The following GABRA3 variants were observed in gnomAD, a reference collection of about 807,000 sequenced individuals.
GABRA3 encodes the protein gamma-aminobutyric acid receptor subunit alpha-3.
In GABRA3, 10 loss-of-function variants were observed where a neutral mutation model predicts 30.1. That is an observed-to-expected ratio of 0.33 (90% CI 0.20 to 0.56). The LOEUF is 0.56. Among genes scored for constraint, GABRA3 ranks in the 20% least tolerant of loss-of-function variants. The pLI is 0.89. For synonymous variants in GABRA3, 151 were observed against 146.8 expected (o/e 1.03, Z -0.21); for missense variants, 233 against 392.0 (o/e 0.59, Z 3.42).
chrX:152,448,879 G>A (rs975943614), intron 1 of GABRA3, among the ~76,000 whole-genome samples: 1 of 111,056 alleles, frequency 9.0e-6, no homozygotes, highest in African/African-American at 3.3e-5. Flanking sequence ...ATATGAAAGC[G>A]ACCTTCCTTG....
At position 152,280,590 on chromosome X, in the gene GABRA3, G is replaced by A. The variant is rs747550351; in HGVS notation, c.330+4078C>T. 1.3e-4 allele frequency among the ~76,000 whole-genome samples: 14 copies of A among 111,559 alleles called. 1 individual carries two copies. In the South Asian group the frequency reaches 4.5e-3, roughly 36 times the overall value. On this transcript the variant is annotated intron_variant, in intron 4 of 9. Transcript: ENST00000370314. ...AAGCAGTTGTCATATCAGAATGTACGTTATCTGAATCTGTTGTCTAGAATT... is the reference window on the plus strand; with the variant it reads ...AAGCAGTTGTCATATCAGAATGTACATTATCTGAATCTGTTGTCTAGAATT...
intron 1 of GABRA3, among the ~76,000 whole-genome samples, chrX:152,365,997 T>C (rs1420691509): frequency 8.9e-6 from 1 of 111,853 alleles, no homozygotes; most frequent in Non-Finnish European, 1.9e-5. Context: ...CAACCTAATA[T>C]AAGAGCTGTG....
At chrX:152,225,430 A>ACG (rs751924258) in intron 5 of GABRA3, among the ~76,000 whole-genome samples, 498 of 20,542 alleles carry the variant, frequency 0.024, 5 homozygotes, top group African/African-American at 0.055. Flanking sequence ...ACACACACAC[A>ACG]CGCACACACA....
chrX:152,173,289 A>AGAT (rs1194588743), intron 9 of GABRA3, among the ~76,000 whole-genome samples: 1 of 110,591 alleles, frequency 9.0e-6, no homozygotes, highest in Non-Finnish European at 1.9e-5. Context: ...TCTCAGGTCC[A>AGAT]GATCACAGCT....
At chrX:152,363,888 C>A (rs1287807605) in intron 2 of GABRA3, among the ~76,000 whole-genome samples, 1 of 111,701 alleles carries the variant, frequency 9.0e-6, no homozygotes, top group Admixed American at 9.6e-5. Flanking sequence ...AGCAACAGAA[C>A]CAACATTGGC....
At chrX:152,320,732 T>C (rs1386522777) in intron 3 of GABRA3, among the ~76,000 whole-genome samples, 1 of 111,020 alleles carries the variant, frequency 9.0e-6, no homozygotes, top group Admixed American at 9.6e-5. Context: ...ATAAAAAATC[T>C]AAAAAACAAA....
At chrX:152,226,713 G>A (rs1937963028) in intron 5 of GABRA3, among the ~76,000 whole-genome samples, 1 of 111,491 alleles carries the variant, frequency 9.0e-6, no homozygotes, top group Admixed American at 9.5e-5. Flanking sequence ...CCATCAACAA[G>A]TGGGCGAAGG....
intron 5 of GABRA3, among the ~76,000 whole-genome samples, chrX:152,254,224 T>A (rs767868851): frequency 1.4e-4 from 16 of 111,101 alleles, no homozygotes; most frequent in Non-Finnish European, 2.6e-4. Flanking sequence ...TCCCTCTTGT[T>A]CATCTCCTCC....
At chrX:152,266,723 C>A (rs745807979) in intron 4 of GABRA3, among the ~76,000 whole-genome samples, 1 of 110,731 alleles carries the variant, frequency 9.0e-6, no homozygotes, top group South Asian at 3.8e-4. Context: ...CTTCCTCTTA[C>A]CATGAGTTAT....
intron 2 of GABRA3, among the ~76,000 whole-genome samples, chrX:152,353,367 T>C (rs1940506132): frequency 8.9e-6 from 1 of 112,029 alleles, no homozygotes. Context: ...TATCGCAATT[T>C]AAAATGTGTC....
At chrX:152,365,965 A>C (rs1928648091) in intron 1 of GABRA3, among the ~76,000 whole-genome samples, 1 of 112,063 alleles carries the variant, frequency 8.9e-6, no homozygotes, top group African/African-American at 3.2e-5. Context: ...TGGTTTTATC[A>C]AAGAAAGCAA....
At chrX:152,409,474 T>C (rs369351883) in intron 1 of GABRA3, among the ~76,000 whole-genome samples, 40 of 111,942 alleles carry the variant, frequency 3.6e-4, no homozygotes, top group African/African-American at 1.2e-3. Flanking sequence ...AAAGATTTAT[T>C]GACTAAGACC....
chrX:152,295,354 G>C (rs780081857), intron 3 of GABRA3, among the ~76,000 whole-genome samples: 2 of 112,903 alleles, frequency 1.8e-5, no homozygotes, highest in African/African-American at 6.4e-5. Context: ...GCTCCACCCA[G>C]TTCAAGCTTC....
intron 3 of GABRA3, among the ~76,000 whole-genome samples, chrX:152,338,075 A>G (rs1450834370): frequency 9.0e-6 from 1 of 111,438 alleles, no homozygotes; most frequent in Non-Finnish European, 1.9e-5. Context: ...ATCATATGGT[A>G]GCTCTGTTTT....
chrX:152,386,848 G>GT (rs1569414699), intron 1 of GABRA3, among the ~76,000 whole-genome samples: 1 of 109,243 alleles, frequency 9.2e-6, no homozygotes, highest in Non-Finnish European at 1.9e-5. Context: ...ACATGCACAC[G>GT]TATGTTTATT....
At chrX:152,410,495 A>C (rs1930042575) in intron 1 of GABRA3, among the ~76,000 whole-genome samples, 1 of 111,681 alleles carries the variant, frequency 9.0e-6, no homozygotes. Context: ...AATATGTATA[A>C]CTATCATGTA....
At chrX:152,189,963 A>T in intron 8 of GABRA3, 22 bp from the exon 9 acceptor site, 2 of 1,059,235 alleles carry the variant, frequency 1.9e-6, no homozygotes, top group Non-Finnish European at 2.6e-6. Context: ...AAAGATGAGA[A>T]CCAGTTGCAA....
intron 2 of GABRA3, 115 bp downstream of exon 2, chrX:152,364,316 A>G: frequency 3.1e-6 from 2 of 654,983 alleles, no homozygotes; most frequent in Non-Finnish European, 4.6e-6. Flanking sequence ...AATGTAATGT[A>G]TAAGTATCAG....
chrX:152,254,706 A>C (rs1026010569), intron 5 of GABRA3, among the ~76,000 whole-genome samples: 8 of 111,989 alleles, frequency 7.1e-5, no homozygotes, highest in African/African-American at 2.6e-4. Flanking sequence ...ATGAGAGATT[A>C]GTATACAGAC....
Sources: allele counts gnomAD v4.1 joint callset (sites outside exome capture counted in the v4.1 genomes callset), GRCh38; gene constraint gnomAD v4.1.1; transcripts MANE v1.5; gene names NCBI Gene and HGNC (gene_info 2026-07-23, HGNC 2026-07-21).